The following IREB2 variants were observed in gnomAD, a reference collection of about 807,000 sequenced individuals.
IREB2 encodes the protein iron responsive element binding protein 2.
In IREB2, 39 loss-of-function variants were observed where a neutral mutation model predicts 118.8. That is an observed-to-expected ratio of 0.33 (90% CI 0.25 to 0.43). The LOEUF (loss-of-function observed/expected upper bound fraction) is 0.43, where lower values mean the gene tolerates loss of function less well. IREB2 is among the 20% of genes least tolerant of loss of function. The probability of loss-of-function intolerance (pLI) is 1.00; values close to 1 mark genes in which losing one functional copy is unlikely to be tolerated. For synonymous variants in IREB2, 372 were observed against 392.2 expected (o/e 0.95, Z 0.61); for missense variants, 900 against 1,147.3 (o/e 0.78, Z 3.11).
chr15:78,480,468 A>AG (rs1170998869), intron 10 of IREB2, among the ~76,000 whole-genome samples: 1 of 149,444 alleles, frequency 6.7e-6, no homozygotes, highest in Non-Finnish European at 1.5e-5. Flanking sequence ...TCACCTCCTG[A>AG]GGTCAGGAGT....
intron 3 of IREB2, 22 bp downstream of exon 3, chr15:78,463,109 T>G: frequency 6.4e-7 from 1 of 1,567,808 alleles, no homozygotes; most frequent in Admixed American, 1.9e-5. Context: ...GTTTATTTTT[T>G]GTGAATGAAC....
At chr15:78,485,647 TG>T (rs762791079) in intron 12 of IREB2, 57 bp from the exon 13 acceptor site, 7 of 1,533,492 alleles carry the variant, frequency 4.6e-6, no homozygotes, top group Non-Finnish European at 4.4e-6. Context: ...TACTTTAATA[TG>T]GGTGAGAGAG....
chr15:78,445,778 TTTTGTTTTG>T (rs1467972205), intron 2 of IREB2, among the ~76,000 whole-genome samples: 1 of 152,014 alleles, frequency 6.6e-6, no homozygotes, highest in Non-Finnish European at 1.5e-5. Context: ...CTTTTACTTG[TTTTGTTTTG>T]TTTGTTTTGT....
chr15:78,445,296 C>T (rs1161161590), intron 2 of IREB2, among the ~76,000 whole-genome samples: 2 of 152,142 alleles, frequency 1.3e-5, no homozygotes, highest in African/African-American at 4.8e-5. Context: ...TGCCTTCACA[C>T]CCTGCTGATT....
In IREB2 at chr15:78,483,308, C is replaced by T; in HGVS notation, c.1297-10C>T. ...CTAATTCCTTGTTCTTTCTCTTTCT[C>T]ATTTCTTAGGTGATCCAGATTAATC... On this transcript the variant is annotated splice_polypyrimidine_tract_variant and intron_variant, in intron 10 of 21. Coordinates refer to ENST00000258886, the MANE Select transcript of IREB2 (RefSeq NM_004136.4). 1 of 1,262,472 alleles carries T rather than the reference C, an allele frequency of 7.9e-7. No individual in the cohort carries two copies. The highest frequency in any genetic ancestry group is 1.2e-6 in the Non-Finnish European group (1 of 865,660). 78.2% of individuals were successfully genotyped at this position (1,262,472 alleles called of 1,614,324 possible).
intron 16 of IREB2, among the ~76,000 whole-genome samples, chr15:78,489,800 T>C (rs2051719208): frequency 6.6e-6 from 1 of 152,238 alleles, no homozygotes; most frequent in Admixed American, 6.5e-5. Flanking sequence ...CGTGAGCCAC[T>C]GTGCCTGGCC....
At chr15:78,470,689 C>CTTTTTT (rs67871183) in intron 6 of IREB2, 88 bp downstream of exon 6, 8 of 209,988 alleles carry the variant, frequency 3.8e-5, no homozygotes, top group Non-Finnish European at 5.0e-5. Context: ...TTTTCTTTTC[C>CTTTTTT]TTTTTTTTTT....
chr15:78,485,032 A>G, intron 12 of IREB2, 112 bp downstream of exon 12: 1 of 931,064 alleles, frequency 1.1e-6, no homozygotes, highest in South Asian at 2.1e-5. Flanking sequence ...TTTGATATTG[A>G]GAGACTTTCT....
At chr15:78,442,403 T>C (rs184015009) in intron 2 of IREB2, among the ~76,000 whole-genome samples, 121 of 152,320 alleles carry the variant, frequency 7.9e-4, no homozygotes, top group African/African-American at 2.7e-3. Context: ...CCTAGACATA[T>C]GCTTACAAGA....
chr15:78,471,600 G>C (rs2051378528), intron 6 of IREB2, 141 bp from the exon 7 acceptor site: 2 of 470,196 alleles, frequency 4.3e-6, no homozygotes, highest in African/African-American at 2.0e-5. Flanking sequence ...CTGTATATTT[G>C]TTTTTAACTA....
chr15:78,438,863 C>T (rs993378806), intron 1 of IREB2: 1 of 155,690 alleles, frequency 6.4e-6, no homozygotes, highest in Non-Finnish European at 1.4e-5. Flanking sequence ...ATTGGTCAGT[C>T]AGTTCTCCGA....
chr15:78,458,370 G>A (rs2051140058), intron 2 of IREB2, among the ~76,000 whole-genome samples: 1 of 152,138 alleles, frequency 6.6e-6, no homozygotes, highest in South Asian at 2.1e-4. Flanking sequence ...GATAGTGTGG[G>A]AGGCTACGTA....
intron 9 of IREB2, among the ~76,000 whole-genome samples, chr15:78,477,081 T>C (rs1160531837): frequency 6.6e-6 from 1 of 152,130 alleles, no homozygotes; most frequent in Non-Finnish European, 1.5e-5. Context: ...GACAGCAAAA[T>C]TGATGAATGG....
rs1487756133 is a variant in IREB2 at position 78,501,248 on chromosome 15, CAAAGTAAT to C, written c.*3106_*3113del. On this transcript the variant is annotated 3_prime_UTR_variant, in exon 22 of 22. Transcript: ENST00000258886. ...GAAACCATATATCTCACTTAAGTAA[CAAAGTAAT>C]CACTTTGTCTATCACTAAGTAATAG... The C allele has an allele frequency of 6.6e-6, 1 of 152,416 alleles. No homozygotes were observed. Among genetic ancestry groups the C allele is most frequent in the Non-Finnish European group, 1.5e-5 (1 of 68,016 alleles). 9.4% of individuals were successfully genotyped at this position (152,416 alleles called of 1,614,324 possible).
chr15:78,490,801 G>A, intron 18 of IREB2, 40 bp downstream of exon 18: 1 of 1,579,162 alleles, frequency 6.3e-7, no homozygotes. Context: ...GTTTTTTCTT[G>A]TTTCTTACTG....
In IREB2 at chr15:78,497,274, C is replaced by A. The variant is rs1430778197; in HGVS notation, c.2744C>A (p.Pro915His). 2 of 1,613,844 alleles carry A rather than the reference C, an allele frequency of 1.2e-6. No individual in the cohort carries two copies. ...SGRETFSLTF[P>H]EELSPGITLN... ...AGAGAAACATTTTCTTTAACATTTC[C>A]TGAAGAACTGTCTCCTGGAATTACA... Residue 915 changes from proline to histidine, a missense_variant, in exon 21 of 22, where the codon CCT becomes CAT. Transcript: ENST00000258886.
intron 10 of IREB2, among the ~76,000 whole-genome samples, chr15:78,480,686 TAAA>T (rs373261767): frequency 1.1e-4 from 10 of 89,716 alleles, no homozygotes; most frequent in South Asian, 4.2e-4. Flanking sequence ...GAGACTGTCT[TAAA>T]AAAAAAAAAA....
chr15:78,440,148 CTTTT>C (rs747459637), intron 2 of IREB2, among the ~76,000 whole-genome samples: 1 of 149,876 alleles, frequency 6.7e-6, no homozygotes, highest in Admixed American at 6.7e-5. Context: ...AGTTTTCAAA[CTTTT>C]TTTTTTCTTG....
chr15:78,489,135 T>C (rs1472733921), intron 16 of IREB2, among the ~76,000 whole-genome samples: 1 of 151,164 alleles, frequency 6.6e-6, no homozygotes, highest in East Asian at 1.9e-4. Context: ...GGCAGGAGAA[T>C]CACTTGAACC....
Sources: gnomAD v4.1 joint callset for allele counts (sites outside exome capture counted in the v4.1 genomes callset) on GRCh38, gnomAD v4.1.1 for gene constraint, MANE v1.5 for transcripts, NCBI Gene and HGNC (gene_info 2026-07-23, HGNC 2026-07-21) for gene names.